PPP3CB: variants seen among roughly 807,000 people sequenced by gnomAD.
The protein encoded by PPP3CB is protein phosphatase 3 catalytic subunit beta.
In PPP3CB, 8 loss-of-function variants were observed where a neutral mutation model predicts 66.4. That is an observed-to-expected ratio of 0.12 (90% CI 0.07 to 0.22). The LOEUF (loss-of-function observed/expected upper bound fraction) is 0.22, where lower values mean the gene tolerates loss of function less well. Ranked by LOEUF, PPP3CB falls within the 10% of genes least tolerant of loss-of-function variation. PPP3CB has a pLI of 1.00. For missense variants in PPP3CB, 319 were observed against 642.5 expected, an observed-to-expected ratio of 0.50 and a Z score of 5.44; for synonymous variants, 208 against 221.2, an observed-to-expected ratio of 0.94 and a Z score of 0.53.
intron 9 of PPP3CB, among the ~76,000 whole-genome samples, chr10:73,458,600 C>G (rs2056468795): frequency 6.6e-6 from 1 of 151,560 alleles, no homozygotes; most frequent in Non-Finnish European, 1.5e-5. Flanking sequence ...TCAGGAGTTA[C>G]CAGCCTGGGC....
At chr10:73,484,628 A>G (rs2133006219) in intron 1 of PPP3CB, among the ~76,000 whole-genome samples, 1 of 151,746 alleles carries the variant, frequency 6.6e-6, no homozygotes, top group South Asian at 2.1e-4. Context: ...TTTTCTCCTA[A>G]TTTTCAGACT....
At chr10:73,486,888 A>C (rs2056987608) in intron 1 of PPP3CB, among the ~76,000 whole-genome samples, 2 of 152,194 alleles carry the variant, frequency 1.3e-5, no homozygotes. Context: ...AACTAATCAT[A>C]GGCTGGGTGC....
At chr10:73,468,965 C>A (rs1259077470) in intron 8 of PPP3CB, among the ~76,000 whole-genome samples, 1 of 152,102 alleles carries the variant, frequency 6.6e-6, no homozygotes, top group African/African-American at 2.4e-5. Flanking sequence ...CATACCCATA[C>A]AACGTAAACA....
intron 10 of PPP3CB, among the ~76,000 whole-genome samples, 160 bp from the exon 11 acceptor site, chr10:73,446,733 T>C (rs2056262569): frequency 6.6e-6 from 1 of 152,214 alleles, no homozygotes; most frequent in Admixed American, 6.5e-5. Flanking sequence ...AAAAATGTCT[T>C]GCTCTCTCAA....
intron 9 of PPP3CB, chr10:73,467,323 G>C: frequency 1.1e-5 from 3 of 277,592 alleles, no homozygotes; most frequent in Non-Finnish European, 2.0e-5. Flanking sequence ...GAAGACATTG[G>C]GCTATTTATA....
intron 3 of PPP3CB, among the ~76,000 whole-genome samples, chr10:73,477,685 G>T (rs767990742): frequency 3.9e-5 from 6 of 152,218 alleles, no homozygotes; most frequent in Non-Finnish European, 7.3e-5. Context: ...GGGAGTCCAA[G>T]GCAGGAGGAT....
At chr10:73,461,679 G>A (rs1042455275) in intron 9 of PPP3CB, among the ~76,000 whole-genome samples, 4 of 152,102 alleles carry the variant, frequency 2.6e-5, no homozygotes, top group Admixed American at 6.6e-5. Flanking sequence ...GGCACTTTTC[G>A]GTTAAATTCT....
Position 73,471,442 on chromosome 10 carries a change from A to G in PPP3CB, c.669+26T>C, listed in dbSNP as rs201105411. ...AACAATGTACTATAAATAGAAATCA[A>G]TCTCGGAAGTAAAATATATACTTAC... On this transcript the variant is annotated intron_variant, in intron 5 of 13. Coordinates refer to ENST00000360663, the MANE Select transcript of PPP3CB (RefSeq NM_021132.4). The G allele has an allele frequency of 5.6e-4, 877 of 1,575,862 alleles. 9 individuals are homozygous for G. The South Asian group carries it at 9.6e-3, about 17-fold the overall frequency.
At position 73,438,095 on chromosome 10, in the gene PPP3CB, T is replaced by C. The variant is rs1226259114; in HGVS notation, c.*147A>G. On this transcript the variant is annotated 3_prime_UTR_variant, in exon 14 of 14. Coordinates refer to ENST00000360663, the MANE Select transcript of PPP3CB (RefSeq NM_021132.4). The stretch of plus-strand genomic sequence containing the variant: ...ATGTCCCAGGGCCCTCAAGCCTCCA[T>C]CCAGGAAGGGGGCTAGGGTCTCAGA... The C allele has an allele frequency of 3.8e-6, 3 of 779,984 alleles. No homozygotes were observed. Among genetic ancestry groups the C allele is most frequent in the Non-Finnish European group, 6.0e-6 (3 of 504,026 alleles). 48.3% of individuals were successfully genotyped at this position (779,984 alleles called of 1,614,324 possible). A position where few individuals can be genotyped will look rare whatever the true frequency, so the allele number is the denominator to read the frequency against.
chr10:73,473,916 TG>T (rs1224540574), intron 4 of PPP3CB, among the ~76,000 whole-genome samples: 2 of 152,162 alleles, frequency 1.3e-5, no homozygotes, highest in Non-Finnish European at 2.9e-5. Context: ...TGATCTGCAA[TG>T]GTAACAGGAT....
chr10:73,492,997 C>T (rs1479140682), intron 1 of PPP3CB, among the ~76,000 whole-genome samples: 1 of 151,966 alleles, frequency 6.6e-6, no homozygotes, highest in Non-Finnish European at 1.5e-5. Flanking sequence ...GGAGGCAGGC[C>T]GGGCGCGGTG....
At position 73,455,974 on chromosome 10, in the gene PPP3CB, T is replaced by C. The variant is rs143244374; in HGVS notation, c.1109-1485A>G. ...AATTCACTATTATAACTTCAGAGCC[T>C]GGCACTGTGCCCTGGCACATGACAG... On this transcript the variant is annotated intron_variant, in intron 9 of 13. Transcript: ENST00000360663. Among the ~76,000 whole-genome samples, 1,200 of 152,354 alleles carry C rather than the reference T, an allele frequency of 7.9e-3. 20 individuals are homozygous for C. Among genetic ancestry groups the C allele is most frequent in the African/African-American group, 0.027 (1,120 of 41,590 alleles).
intron 9 of PPP3CB, among the ~76,000 whole-genome samples, chr10:73,463,180 T>C (rs190692392): frequency 2.4e-3 from 370 of 152,264 alleles, no homozygotes; most frequent in African/African-American, 8.4e-3. Context: ...TCACTGATTC[T>C]ACTTCTACCA....
intron 9 of PPP3CB, among the ~76,000 whole-genome samples, chr10:73,458,585 T>C (rs1396950720): frequency 6.6e-6 from 1 of 151,882 alleles, no homozygotes; most frequent in Non-Finnish European, 1.5e-5. Context: ...GTAGACTGCT[T>C]GAGCTCAGGA....
rs1021823417 is a variant in PPP3CB, at chr10:73,436,452, T to C, written c.*1790A>G. On this transcript the variant is annotated 3_prime_UTR_variant, in exon 14 of 14. Coordinates refer to ENST00000360663, the MANE Select transcript of PPP3CB (RefSeq NM_021132.4). ...ATGCAATTATCACTAATATTTTTCTTATTGTTAGAACACCCAGTAAATTCC... is the reference window on the plus strand; with the variant it reads ...ATGCAATTATCACTAATATTTTTCTCATTGTTAGAACACCCAGTAAATTCC... The C allele has an allele frequency of 6.6e-6, 1 of 152,188 alleles. No individual in the cohort carries two copies. The highest frequency in any genetic ancestry group is 1.5e-5 in the Non-Finnish European group (1 of 68,032). The allele number at this position is 152,188 out of a possible 1,614,324, so 9.4% of individuals were successfully genotyped here.
At chr10:73,467,228 G>A (rs2056631931) in intron 9 of PPP3CB, 1 of 158,068 alleles carries the variant, frequency 6.3e-6, no homozygotes, top group African/African-American at 2.4e-5. Context: ...ATATGCAGAA[G>A]GGCCCATTTC....
At chr10:73,474,264 C>T (rs1393609443) in intron 4 of PPP3CB, among the ~76,000 whole-genome samples, 2 of 152,036 alleles carry the variant, frequency 1.3e-5, no homozygotes, top group Non-Finnish European at 2.9e-5. Flanking sequence ...TGGTCTTGAA[C>T]TCCTGACCTC....
intron 3 of PPP3CB, chr10:73,477,254 A>C (rs1196190615): frequency 7.8e-6 from 4 of 515,344 alleles, no homozygotes; most frequent in Non-Finnish European, 1.5e-5. Context: ...CTATTGGTAG[A>C]AATTTGACCC....
intron 9 of PPP3CB, among the ~76,000 whole-genome samples, chr10:73,454,779 A>T (rs1314949233): frequency 6.6e-6 from 1 of 152,084 alleles, no homozygotes; most frequent in Admixed American, 6.6e-5. Context: ...ATAACAACTG[A>T]ATGTATACAT....
Sources: allele counts gnomAD v4.1 joint callset (sites outside exome capture counted in the v4.1 genomes callset), GRCh38; gene constraint gnomAD v4.1.1; transcripts MANE v1.5; gene names NCBI Gene and HGNC (gene_info 2026-07-23, HGNC 2026-07-21).